Variants in NPC1 observed in about 807,000 individuals in gnomAD.
The protein encoded by NPC1 is Niemann-Pick C1 protein.
NPC1 carries 85 observed loss-of-function variants against 140.4 expected under a neutral mutation model. The observed-to-expected ratio is 0.61, with a 90% CI of 0.51 to 0.72. The LOEUF is 0.72. NPC1 is among the 30% of genes least tolerant of loss of function. The probability of loss-of-function intolerance (pLI) is 0.00; values close to 1 mark genes in which losing one functional copy is unlikely to be tolerated. For missense variants in NPC1, 1,504 were observed against 1,623.8 expected, an observed-to-expected ratio of 0.93 and a Z score of 1.27; for synonymous variants, 656 against 624.8, an observed-to-expected ratio of 1.05 and a Z score of -0.74.
chr18:23,573,048 G>T (rs2059225614), intron 2 of NPC1, among the ~76,000 whole-genome samples: 1 of 152,174 alleles, frequency 6.6e-6, no homozygotes, highest in Admixed American at 6.5e-5. Flanking sequence ...GTGGAACACA[G>T]AGAAAACACT....
chr18:23,562,850 A>C (rs771036427), intron 4 of NPC1, among the ~76,000 whole-genome samples: 1 of 152,180 alleles, frequency 6.6e-6, no homozygotes, highest in Non-Finnish European at 1.5e-5. Context: ...AAAAAAAATT[A>C]GCCAGGTGTG....
chr18:23,536,949 C>T, intron 20 of NPC1, 73 bp from the exon 21 acceptor site: 1 of 1,269,986 alleles, frequency 7.9e-7, no homozygotes, highest in Non-Finnish European at 1.1e-6. Context: ...GCACTTGAGG[C>T]TAAGCAAAAT....
chr18:23,549,178 C>T, intron 10 of NPC1, among the ~76,000 whole-genome samples: 1 of 152,168 alleles, frequency 6.6e-6, no homozygotes, highest in East Asian at 1.9e-4. Context: ...TCCAAAGAAG[C>T]TTAACTATTT....
intron 8 of NPC1, among the ~76,000 whole-genome samples, chr18:23,555,821 CT>C (rs992740902): frequency 4.6e-5 from 7 of 152,178 alleles, no homozygotes; most frequent in African/African-American, 1.7e-4. Flanking sequence ...CTGGCAGCTC[CT>C]TCCTCAGCCC....
intron 5 of NPC1, among the ~76,000 whole-genome samples, chr18:23,561,056 G>A (rs1472706145): frequency 1.3e-5 from 2 of 152,156 alleles, no homozygotes; most frequent in Non-Finnish European, 2.9e-5. Context: ...CCCTCACCAA[G>A]GTTGGAGTAC....
intron 22 of NPC1, 57 bp downstream of exon 22, chr18:23,535,412 C>T (rs754054159): frequency 8.0e-7 from 1 of 1,244,666 alleles, no homozygotes; most frequent in Non-Finnish European, 1.2e-6. Flanking sequence ...CTAAGACAGC[C>T]AATTCCCCCA....
intron 13 of NPC1, among the ~76,000 whole-genome samples, chr18:23,543,900 T>C (rs1402274567): frequency 6.6e-6 from 1 of 152,204 alleles, no homozygotes; most frequent in African/African-American, 2.4e-5. Flanking sequence ...ACAGGACGAC[T>C]GAGACCACCT....
downstream of NPC1, chr18:23,527,969 TATG>T: frequency 7.7e-7 from 1 of 1,292,862 alleles, no homozygotes; most frequent in Non-Finnish European, 1.1e-6. Context: ...TCTAAGTAAT[TATG>T]ATGCAAAATT....
Position 23,558,770 on chromosome 18 carries a change from G to A in NPC1, c.881+1461C>T, listed in dbSNP as rs141298100. ...AAGTTTTAGGGTGCATGTGCACAAC[G>A]TGCAGGTTTGTTACGTATGTGTACG... is the stretch of plus-strand genomic sequence containing the variant. On this transcript the variant is annotated intron_variant, in intron 6 of 24. Transcript: ENST00000269228. 5.3e-5 allele frequency among the ~76,000 whole-genome samples: 8 copies of A among 152,056 alleles called. No individual in the cohort carries two copies. In the East Asian group the frequency reaches 1.4e-3, roughly 26 times the overall value.
intron 4 of NPC1, among the ~76,000 whole-genome samples, chr18:23,562,892 T>C (rs554683629): frequency 2.0e-5 from 3 of 152,304 alleles, no homozygotes; most frequent in South Asian, 2.1e-4. Flanking sequence ...TATAATTACA[T>C]GTAATTTACA....
downstream of NPC1, among the ~76,000 whole-genome samples, chr18:23,527,556 T>C (rs953701760): frequency 1.3e-5 from 2 of 150,332 alleles, no homozygotes; most frequent in African/African-American, 2.5e-5. Context: ...GCTGGGATTA[T>C]AGGCATGTGC....
chr18:23,536,780 C>T lies in NPC1; in HGVS notation c.3138G>A (p.Gln1046=). ...GAGCGTCAATAAAGTCAGCAGAGGT[C>T]TGCAGCACGGTGTGGTAGGTCATGA... ...TYFMTYHTVL[Q]TSADFIDALK... The change falls in exon 21 of 25, where the codon CAG becomes CAA. Residue 1046 remains glutamine, a synonymous_variant. Transcript: ENST00000269228. 6.2e-7 allele frequency: 1 copy of T among 1,614,192 alleles called. No homozygotes were observed. The highest frequency in any genetic ancestry group is 2.2e-5 in the East Asian group (1 of 44,886).
downstream of NPC1, chr18:23,530,139 A>G (rs964167937): frequency 5.0e-6 from 8 of 1,613,826 alleles, no homozygotes; most frequent in Non-Finnish European, 5.9e-6. Flanking sequence ...TTTGGTATGC[A>G]TTGCCAGATT....
rs1196248392 is a variant in NPC1, at chr18:23,541,309, T to C, written c.2370A>G (p.Gln790=). The part of the protein sequence containing the change: ...VSLLGLDIKR[Q]EKNRLDIFCC... Reference sequence around the variant, plus strand: ...TATAATCCTGGCACCAACTTACCTCTTGACGTTTAATGTCTAACCCCAAGA... The same window carrying C: ...TATAATCCTGGCACCAACTTACCTCCTGACGTTTAATGTCTAACCCCAAGA... Residue 790 remains glutamine (Q), a synonymous_variant, in exon 15 of 25, where the codon CAA becomes CAG. Coordinates refer to ENST00000269228, the MANE Select transcript of NPC1 (RefSeq NM_000271.5). 2 of 1,614,066 alleles carry C rather than the reference T, an allele frequency of 1.2e-6. No homozygotes were observed. Among genetic ancestry groups the C allele is most frequent in the Non-Finnish European group, 8.5e-7 (1 of 1,180,036 alleles).
At chr18:23,566,775 AACC>A (rs2059131604) in intron 4 of NPC1, among the ~76,000 whole-genome samples, 1 of 152,234 alleles carries the variant, frequency 6.6e-6, no homozygotes, top group African/African-American at 2.4e-5. Context: ...ATAAACATGT[AACC>A]ACCATTATAG....
chr18:23,577,721 CGGAGGGGGTG>C (rs543779440), intron 1 of NPC1, among the ~76,000 whole-genome samples: 5,725 of 152,304 alleles, frequency 0.038, 156 homozygotes, highest in Middle Eastern at 0.058. Context: ...CAGGAGGCCA[CGGAGGGGGTG>C]GGAGGCTCTG....
At chr18:23,580,020 CT>C (rs1465125166) in intron 1 of NPC1, among the ~76,000 whole-genome samples, 2 of 152,172 alleles carry the variant, frequency 1.3e-5, no homozygotes, top group African/African-American at 4.8e-5. Flanking sequence ...ATTCCACTGC[CT>C]TTAGGAAATC....
rs1164106395 is a variant in NPC1 at position 23,556,438 on chromosome 18, T to A, written c.1131A>T (p.Pro377=). 1.2e-6 allele frequency: 2 copies of A among 1,613,942 alleles called. 1 individual carries two copies. ...TGCTGGGGGCTGACCAGAGGTCAAC[T>A]GGATTGGTTGTGACCCGGACAAACA... is the stretch of plus-strand genomic sequence containing the variant. ...GLVFVRVTTN[P]VDLWSAPSSQ... is the part of the protein sequence containing the mutation. Residue 377 remains proline, a synonymous_variant, in exon 8 of 25, where the codon CCA becomes CCT. Transcript: ENST00000269228.
At chr18:23,559,451 TTTAA>T (rs2059004290) in intron 6 of NPC1, among the ~76,000 whole-genome samples, 1 of 151,838 alleles carries the variant, frequency 6.6e-6, no homozygotes, top group Non-Finnish European at 1.5e-5. Flanking sequence ...TAGTACTCCA[TTTAA>T]TTAGATTTGA....
Sources: allele counts gnomAD v4.1 joint callset (sites outside exome capture counted in the v4.1 genomes callset), GRCh38; gene constraint gnomAD v4.1.1; transcripts MANE v1.5; gene names NCBI Gene and HGNC (gene_info 2026-07-23, HGNC 2026-07-21).